TMEM132C: variants seen among roughly 807,000 people sequenced by gnomAD.
TMEM132C encodes transmembrane protein 132C.
In TMEM132C, 29 loss-of-function variants were observed where a neutral mutation model predicts 61.4. The ratio of observed to expected loss-of-function variants is 0.47; its 90% CI spans 0.35 to 0.64. The LOEUF is 0.64. TMEM132C is among the 30% of genes least tolerant of loss of function. The pLI, the probability that TMEM132C is intolerant of heterozygous loss-of-function variation, is 0.00. For synonymous variants in TMEM132C, 656 were observed against 633.1 expected, an observed-to-expected ratio of 1.04 and a Z score of -0.54; for missense variants, 1,408 against 1,476.9, an observed-to-expected ratio of 0.95 and a Z score of 0.76.
chr12:128,434,370 A>G (rs943108469), intron 2 of TMEM132C, among the ~76,000 whole-genome samples: 1 of 152,118 alleles, frequency 6.6e-6, no homozygotes, highest in Non-Finnish European at 1.5e-5. Flanking sequence ...GTGCGACCTC[A>G]GCTCCCTGCA....
intron 2 of TMEM132C, among the ~76,000 whole-genome samples, chr12:128,429,469 G>T (rs1488771822): frequency 6.6e-6 from 1 of 152,146 alleles, no homozygotes; most frequent in Non-Finnish European, 1.5e-5. Context: ...TCACGAATGT[G>T]CCCGGGAACA....
intron 2 of TMEM132C, among the ~76,000 whole-genome samples, chr12:128,515,587 A>AGG (rs1194811445): frequency 6.6e-6 from 1 of 152,216 alleles, no homozygotes; most frequent in Non-Finnish European, 1.5e-5. Flanking sequence ...TAATCCCAGC[A>AGG]CTTTGGGAGG....
intron 5 of TMEM132C, among the ~76,000 whole-genome samples, chr12:128,687,284 C>T (rs985571866): frequency 1.2e-4 from 18 of 151,578 alleles, no homozygotes; most frequent in African/African-American, 4.1e-4. Flanking sequence ...TTCTCAGCCT[C>T]GGTGCTATTG....
Position 128,706,341 on chromosome 12 carries a change from G to A in TMEM132C, c.*46G>A. The A allele has an allele frequency of 6.9e-7, 1 of 1,459,416 alleles. No individual in the cohort carries two copies. The highest frequency in any genetic ancestry group is 9.0e-7 in the Non-Finnish European group (1 of 1,107,498). 90.4% of individuals were successfully genotyped at this position (1,459,416 alleles called of 1,614,324 possible). On this transcript the variant is annotated 3_prime_UTR_variant, in exon 9 of 9. Coordinates refer to ENST00000435159, the MANE Select transcript of TMEM132C (RefSeq NM_001136103.3). ...CTGCCCAGATGCCTTCCTTGTACTGGAAACTGGCCCAAGTGGGGCAGAAGG... is the reference window on the plus strand; with the variant it reads ...CTGCCCAGATGCCTTCCTTGTACTGAAAACTGGCCCAAGTGGGGCAGAAGG...
intron 3 of TMEM132C, 60 bp downstream of exon 3, chr12:128,544,163 G>C (rs11610490): frequency 0.49 from 715,974 of 1,448,214 alleles, 181,814 homozygotes; most frequent in Non-Finnish European, 0.52. Context: ...AGGCCGGCTG[G>C]TGCGTAAGAG....
rs187738449 is a variant in TMEM132C at position 128,569,353 on chromosome 12, C to T, written c.1121+25250C>T. On this transcript the variant is annotated intron_variant, in intron 3 of 8. Coordinates refer to ENST00000435159, the MANE Select transcript of TMEM132C (RefSeq NM_001136103.3). ...ATATCTGGGTCTGACAGGCCTTCTT[C>T]GGTCTCCTTCCTGCAGCAAAAATCA... Among the ~76,000 whole-genome samples the T allele has an allele frequency of 1.8e-4, 27 of 152,250 alleles. No individual in the cohort carries two copies. In the East Asian group the frequency reaches 4.4e-3, roughly 25 times the overall value.
chr12:128,594,398 C>T (rs969482528), intron 3 of TMEM132C, among the ~76,000 whole-genome samples: 9 of 151,042 alleles, frequency 6.0e-5, no homozygotes, highest in Non-Finnish European at 8.8e-5. Context: ...GAAAGCTCCA[C>T]GGGACATGGG....
intron 2 of TMEM132C, among the ~76,000 whole-genome samples, chr12:128,507,402 CTTTT>C (rs111625089): frequency 4.4e-5 from 5 of 113,404 alleles, no homozygotes; most frequent in Non-Finnish European, 8.9e-5. Flanking sequence ...TTTTTTCTTT[CTTTT>C]TTTTTTTTTT....
chr12:128,502,816 A>G (rs901078079), intron 2 of TMEM132C, among the ~76,000 whole-genome samples: 1 of 152,208 alleles, frequency 6.6e-6, no homozygotes, highest in Non-Finnish European at 1.5e-5. Context: ...CTAAGACCCT[A>G]CAAATTGTGG....
chr12:128,450,363 T>G (rs1198582336), intron 2 of TMEM132C, among the ~76,000 whole-genome samples: 2 of 152,160 alleles, frequency 1.3e-5, no homozygotes, highest in Admixed American at 6.5e-5. Context: ...CCAACTCATT[T>G]TATAGTTGGA....
At chr12:128,542,554 G>C (rs1397828918) in intron 2 of TMEM132C, among the ~76,000 whole-genome samples, 1 of 152,096 alleles carries the variant, frequency 6.6e-6, no homozygotes, top group Non-Finnish European at 1.5e-5. Flanking sequence ...GATCTGCCCA[G>C]CTCAGCCTCC....
chr12:128,520,876 G>A (rs1872883876), intron 2 of TMEM132C, among the ~76,000 whole-genome samples: 1 of 151,804 alleles, frequency 6.6e-6, no homozygotes. Flanking sequence ...TCTCTGGGAG[G>A]GAGAGTTGTG....
At chr12:128,403,713 C>T (rs1217353899) in intron 1 of TMEM132C, among the ~76,000 whole-genome samples, 1 of 75,074 alleles carries the variant, frequency 1.3e-5, no homozygotes, top group African/African-American at 3.2e-5. Context: ...AAGACAAAAA[C>T]AAAACAAAAC....
At chr12:128,673,055 A>G (rs1380332492) in intron 5 of TMEM132C, among the ~76,000 whole-genome samples, 1 of 152,190 alleles carries the variant, frequency 6.6e-6, no homozygotes, top group Non-Finnish European at 1.5e-5. Flanking sequence ...ACACTTGCAC[A>G]TGTAGTGGAT....
At chr12:128,571,363 A>C (rs1437121649) in intron 3 of TMEM132C, among the ~76,000 whole-genome samples, 1 of 152,234 alleles carries the variant, frequency 6.6e-6, no homozygotes, top group Non-Finnish European at 1.5e-5. Flanking sequence ...ACAAAGGAGA[A>C]TGTTTTTTAA....
At chr12:128,671,216 A>C (rs577455676) in intron 5 of TMEM132C, among the ~76,000 whole-genome samples, 2 of 152,324 alleles carry the variant, frequency 1.3e-5, no homozygotes, top group South Asian at 4.1e-4. Context: ...CATATGGCTT[A>C]GAAAGTCTAA....
chr12:128,449,868 G>C (rs370394882), intron 2 of TMEM132C, among the ~76,000 whole-genome samples: 5 of 152,196 alleles, frequency 3.3e-5, no homozygotes, highest in African/African-American at 1.2e-4. Flanking sequence ...TTGACACACA[G>C]AAGCAGAAAC....
intron 2 of TMEM132C, among the ~76,000 whole-genome samples, chr12:128,428,961 T>A (rs1787259407): frequency 6.6e-6 from 1 of 152,226 alleles, no homozygotes; most frequent in African/African-American, 2.4e-5. Flanking sequence ...TTATTACATG[T>A]ATTTTTCTGG....
chr12:128,522,566 G>A (rs1212102333), intron 2 of TMEM132C, among the ~76,000 whole-genome samples: 1 of 152,160 alleles, frequency 6.6e-6, no homozygotes, highest in African/African-American at 2.4e-5. Context: ...TGAATGCTTT[G>A]TTTTCCCACA....
Sources: allele counts gnomAD v4.1 joint callset (sites outside exome capture counted in the v4.1 genomes callset), GRCh38; gene constraint gnomAD v4.1.1; transcripts MANE v1.5; gene names NCBI Gene and HGNC (gene_info 2026-07-23, HGNC 2026-07-21).